KLC4: variants seen among roughly 807,000 people sequenced by gnomAD.
KLC4 encodes the protein kinesin light chain 4.
Under a neutral mutation model 77.2 loss-of-function variants are expected in KLC4, and 49 were observed. The observed-to-expected ratio is 0.63, with a 90% confidence interval of 0.50 to 0.80. KLC4 has a LOEUF of 0.80. Ranked by LOEUF, KLC4 falls within the 30% of genes least tolerant of loss-of-function variation. The probability of loss-of-function intolerance (pLI) is 0.00; values close to 1 mark genes in which losing one functional copy is unlikely to be tolerated. For missense variants in KLC4, 669 were observed against 793.5 expected, an observed-to-expected ratio of 0.84 and a Z score of 1.89; for synonymous variants, 274 against 314.5, an observed-to-expected ratio of 0.87 and a Z score of 1.36.
chr6:43,069,981 C>T (rs1765637125), intron 6 of KLC4, among the ~76,000 whole-genome samples: 1 of 151,702 alleles, frequency 6.6e-6, no homozygotes, highest in Non-Finnish European at 1.5e-5. Flanking sequence ...TTACATTTAG[C>T]GTTTGGATGT....
chr6:43,066,853 G>T, intron 5 of KLC4, 143 bp from the exon 6 acceptor site: 1 of 1,215,514 alleles, frequency 8.2e-7, no homozygotes, highest in Admixed American at 2.6e-5. Context: ...TGTCAGTGAA[G>T]CCCCCTTACT....
chr6:43,061,529 A>G lies in KLC4; in HGVS notation c.194A>G (p.His65Arg), dbSNP rs775700770. Reference protein sequence around the residue: ...QQGGHEEGLVHEKARQLRRSM... With the variant: ...QQGGHEEGLVREKARQLRRSM... The stretch of plus-strand genomic sequence containing the variant: ...GGAGGCCATGAGGAAGGGCTGGTGC[A>G]TGAGAAGGCCCGGCAGCTTCGCCGT... Residue 65 changes from histidine (H) to arginine (R), a missense_variant, in exon 2 of 16, where the codon CAT becomes CGT. Coordinates refer to ENST00000347162, the MANE Select transcript of KLC4 (RefSeq NM_201521.3). 3.1e-6 allele frequency: 5 copies of G among 1,613,982 alleles called. No individual in the cohort carries two copies. Among genetic ancestry groups the G allele is most frequent in the South Asian group, 1.1e-5 (1 of 91,082 alleles).
At position 43,073,031 on chromosome 6, in the gene KLC4, G is replaced by A. The variant is rs1439652773; in HGVS notation, c.1629+67G>A. On this transcript the variant is annotated intron_variant, in intron 13 of 15. Transcript: ENST00000347162. ...TGCTGGTGGTGGTGAGAGGCTCTTG[G>A]CCATGCTGTCCCAGTCTAGGTAGTG... 3 of 1,524,448 alleles carry A rather than the reference G, an allele frequency of 2.0e-6. No individual in the cohort carries two copies. The East Asian group carries it at 6.8e-5, about 35-fold the overall frequency. The allele number at this position is 1,524,448 out of a possible 1,614,324, so 94.4% of individuals were successfully genotyped here.
chr6:43,066,185 A>C, intron 4 of KLC4, 121 bp from the exon 5 acceptor site: 3 of 800,952 alleles, frequency 3.7e-6, no homozygotes, highest in Non-Finnish European at 6.4e-6. Context: ...AGGCAGGTCT[A>C]ATATTGAGAG....
Position 43,065,255 on chromosome 6 carries a change from G to C in KLC4, c.490-365G>C, listed in dbSNP as rs1181113896. ...ACGCCCGGCTAATTTTGTATTTCTA[G>C]TAGAGATGGGGTTTCTCCACGTTGG... On this transcript the variant is annotated intron_variant, in intron 3 of 15. Coordinates refer to ENST00000347162, the MANE Select transcript of KLC4 (RefSeq NM_201521.3). 3 of 171,932 alleles carry C rather than the reference G, an allele frequency of 1.7e-5. No homozygotes were observed. The East Asian group carries it at 4.8e-4, about 28-fold the overall frequency. 10.7% of individuals were successfully genotyped at this position (171,932 alleles called of 1,614,324 possible). A position where few individuals can be genotyped will look rare whatever the true frequency, so the allele number is the denominator to read the frequency against.
chr6:43,073,841 C>T lies in KLC4; in HGVS notation c.1746-61C>T, dbSNP rs1488289134. ...AGTGTGGCAGTGCTCAAGAGGCCCACAGCCTTAAGGCCACTCAGGAGGAAG... is the reference window on the plus strand; with the variant it reads ...AGTGTGGCAGTGCTCAAGAGGCCCATAGCCTTAAGGCCACTCAGGAGGAAG... On this transcript the variant is annotated intron_variant, in intron 14 of 15. Transcript: ENST00000347162. The T allele has an allele frequency of 3.3e-6, 5 of 1,498,696 alleles. No homozygotes were observed. The African/African-American group carries it at 6.9e-5, about 21-fold the overall frequency. The allele number at this position is 1,498,696 out of a possible 1,614,324, so 92.8% of individuals were successfully genotyped here.
Position 43,070,857 on chromosome 6 carries a change from A to G in KLC4, c.1147A>G (p.Asn383Asp). The G allele has an allele frequency of 6.7e-7, 1 of 1,487,546 alleles. No individual in the cohort carries two copies. Among genetic ancestry groups the G allele is most frequent in the South Asian group, 1.1e-5 (1 of 89,292 alleles). The allele number at this position is 1,487,546 out of a possible 1,614,324, so 92.1% of individuals were successfully genotyped here. Residue 383 changes from asparagine to aspartate, a missense_variant, in exon 8 of 16, where the codon AAC (asparagine) becomes GAC (aspartate). Coordinates refer to ENST00000347162, the MANE Select transcript of KLC4 (RefSeq NM_201521.3). ...CAACCCTAATGTAGCCCGGACCAAG[A>G]ACAACCTGGTATGGGAGGAGGGACA... The part of the protein sequence containing the change: ...PDNPNVARTK[N>D]NLASCYLKQG...
At chr6:43,071,481 G>A in intron 9 of KLC4, 86 bp from the exon 10 acceptor site, 2 of 1,559,876 alleles carry the variant, frequency 1.3e-6, no homozygotes, top group South Asian at 1.1e-5. Flanking sequence ...GACCCCTTCA[G>A]TCCAGCCTGT....
At chr6:43,071,509 C>T (rs866953861) in intron 9 of KLC4, 58 bp from the exon 10 acceptor site, 1 of 1,588,718 alleles carries the variant, frequency 6.3e-7, no homozygotes, top group Non-Finnish European at 8.6e-7. Context: ...TGGGTCCTGG[C>T]TCTCCGACAC....
Position 43,074,783 on chromosome 6 carries a change from C to A in KLC4, c.*111C>A. The A allele has an allele frequency of 2.3e-6, 2 of 860,638 alleles. No individual in the cohort carries two copies. Among genetic ancestry groups the A allele is most frequent in the Non-Finnish European group, 3.9e-6 (2 of 509,986 alleles). 53.3% of individuals were successfully genotyped at this position (860,638 alleles called of 1,614,324 possible). On this transcript the variant is annotated 3_prime_UTR_variant, in exon 16 of 16. Coordinates refer to ENST00000347162, the MANE Select transcript of KLC4 (RefSeq NM_201521.3). ...CCCTAGGTGGGACAGTGAAGGGGAG[C>A]AGTTTAACCAGAAGATTGCTGCTGC...
chr6:43,071,200 TA>T (rs540602192), intron 8 of KLC4, 74 bp from the exon 9 acceptor site: 118,385 of 640,380 alleles, frequency 0.18, 8 homozygotes, highest in East Asian at 0.21. Context: ...AGACCTTGTC[TA>T]AAAAAAAAAA....
Position 43,067,061 on chromosome 6 carries a change from C to A in KLC4, c.857C>A (p.Thr286Asn). 1 of 1,614,122 alleles carries A rather than the reference C, an allele frequency of 6.2e-7. No individual in the cohort carries two copies. Among genetic ancestry groups the A allele is most frequent in the Middle Eastern group, 1.7e-4 (1 of 6,060 alleles). The change falls in exon 6 of 16, where the codon ACC (threonine) becomes AAC (asparagine). Residue 286 changes from threonine (T) to asparagine (N), a missense_variant. Coordinates refer to ENST00000347162, the MANE Select transcript of KLC4 (RefSeq NM_201521.3). ...GATGCCCTTAGCATCCGGGAGAGCA[C>A]CTTGGGACCTGACCATCCTGCTGTC... ...LNDALSIRES[T>N]LGPDHPAVAA...
Position 43,072,975 on chromosome 6 carries a change from T to G in KLC4, c.1629+11T>G. On this transcript the variant is annotated intron_variant, in intron 13 of 15. Transcript: ENST00000347162. ...GTGGAGTGGTCCGGGGTAAGTCTGA[T>G]CATTGCCTTTTCATCTCTCCTGCCC... 6.3e-7 allele frequency: 1 copy of G among 1,575,406 alleles called. No homozygotes were observed. The highest frequency in any genetic ancestry group is 1.2e-5 in the South Asian group (1 of 83,770).
chr6:43,063,438 G>A (rs1348207950), intron 3 of KLC4, among the ~76,000 whole-genome samples: 1 of 152,208 alleles, frequency 6.6e-6, no homozygotes, highest in Non-Finnish European at 1.5e-5. Context: ...ACAAGCTTGT[G>A]AGGGAGATAG....
At chr6:43,066,676 A>C in intron 5 of KLC4, 151 bp downstream of exon 5, 1 of 695,946 alleles carries the variant, frequency 1.4e-6, no homozygotes, top group Non-Finnish European at 2.4e-6. Context: ...TATGTGCCAG[A>C]ACTCTCACTT....
In KLC4 at chr6:43,072,834, C is replaced by G; in HGVS notation, c.1499C>G (p.Pro500Arg). 6.2e-7 allele frequency: 1 copy of G among 1,613,934 alleles called. No individual in the cohort carries two copies. The highest frequency in any genetic ancestry group is 8.5e-7 in the Non-Finnish European group (1 of 1,179,898). The change falls in exon 13 of 16, where the codon CCT (proline) becomes CGT (arginine). Residue 500 changes from proline to arginine, a missense_variant. Coordinates refer to ENST00000347162, the MANE Select transcript of KLC4 (RefSeq NM_201521.3). The stretch of plus-strand genomic sequence containing the variant: ...TCCTTTTCCTTCCAGGGCACTGACC[C>G]TATCAGCCAGACGAAGGTGGCAGAG... ...ALRSRRQGTDPISQTKVAELL... is the reference protein window; with the variant it reads ...ALRSRRQGTDRISQTKVAELL...
At chr6:43,063,841 A>T (rs1372967732) in intron 3 of KLC4, among the ~76,000 whole-genome samples, 1 of 152,088 alleles carries the variant, frequency 6.6e-6, no homozygotes, top group Non-Finnish European at 1.5e-5. Context: ...GGTGTGAGCT[A>T]CCATGCCCGG....
chr6:43,070,933 G>GGGGGGGGGGGGC, intron 8 of KLC4, 68 bp downstream of exon 8: 3 of 360,506 alleles, frequency 8.3e-6, no homozygotes, highest in South Asian at 2.3e-5. Context: ...GGGAGGGGGG[G>GGGGGGGGGGGGC]CAGGCGGAGA....
chr6:43,072,258 C>A lies in KLC4; in HGVS notation c.1488+3C>A. On this transcript the variant is annotated splice_donor_region_variant and intron_variant, in intron 12 of 15. Coordinates refer to ENST00000347162, the MANE Select transcript of KLC4 (RefSeq NM_201521.3). Reference sequence around the variant, plus strand: ...GTGCCCTGCGGTCCCGGAGACAGGTCAGAAGCCCAGAGGGGAAGGAGGTCC... The same window carrying A: ...GTGCCCTGCGGTCCCGGAGACAGGTAAGAAGCCCAGAGGGGAAGGAGGTCC... 1 of 1,610,226 alleles carries A rather than the reference C, an allele frequency of 6.2e-7. No individual in the cohort carries two copies. The highest frequency in any genetic ancestry group is 1.1e-5 in the South Asian group (1 of 90,926).
Sources: allele counts gnomAD v4.1 joint callset (sites outside exome capture counted in the v4.1 genomes callset), GRCh38; gene constraint gnomAD v4.1.1; transcripts MANE v1.5; gene names NCBI Gene and HGNC (gene_info 2026-07-23, HGNC 2026-07-21).